Variants in SLITRK5 observed in about 807,000 individuals in gnomAD.
The protein encoded by SLITRK5 is SLIT and NTRK-like protein 5.
SLITRK5 carries 23 observed loss-of-function variants against 56.2 expected under a neutral mutation model. That is an observed-to-expected ratio of 0.41 (90% CI 0.29 to 0.58). The LOEUF is 0.58. SLITRK5 is among the 20% of genes least tolerant of loss of function. SLITRK5 has a pLI of 0.30. For synonymous variants in SLITRK5, 637 were observed against 531.8 expected, an observed-to-expected ratio of 1.20 and a Z score of -2.72; for missense variants, 1,289 against 1,226.6, an observed-to-expected ratio of 1.05 and a Z score of -0.76.
chr13:87,673,468 G>C (rs61959133), intron 1 of SLITRK5: 2 of 788,748 alleles, frequency 2.5e-6, no homozygotes, highest in African/African-American at 3.5e-5. Flanking sequence ...TTTCAGATGG[G>C]GTGGGAGGTG....
At position 87,677,202 on chromosome 13, in the gene SLITRK5, C is replaced by A. The variant is rs1411720691; in HGVS notation, c.1814C>A (p.Ser605Tyr). 2 of 1,614,184 alleles carry A rather than the reference C, an allele frequency of 1.2e-6. No individual in the cohort carries two copies. Reference protein sequence around the residue: ...PKKFAETDMRSIKSELLCPDY... With the variant: ...PKKFAETDMRYIKSELLCPDY... Reference sequence around the variant, plus strand: ...AAATTCGCTGAGACCGACATGCGCTCCATTAAGTCGGAGCTGCTGTGCCCT... The same window carrying A: ...AAATTCGCTGAGACCGACATGCGCTACATTAAGTCGGAGCTGCTGTGCCCT... Residue 605 changes from serine (S) to tyrosine (Y), a missense_variant, in exon 2 of 2, where the codon TCC (serine) becomes TAC (tyrosine). By Grantham distance (144) the Ser-to-Tyr change is moderately radical. Around this residue, in one of 3 missense-constraint regions of SLITRK5, gnomAD observed 985 missense variants for 906.0 expected, o/e 1.09. Transcript: ENST00000683689. This position sits in a 1 kb window ranked among gnomAD's most constrained non-coding sequence, Gnocchi z 4.7.
intron 1 of SLITRK5, among the ~76,000 whole-genome samples, chr13:87,673,133 C>T (rs1013150646): frequency 1.3e-5 from 2 of 151,622 alleles, no homozygotes; most frequent in Non-Finnish European, 2.9e-5. Flanking sequence ...CAGGGACGTA[C>T]AGGGCGGTGA....
intron 1 of SLITRK5, among the ~76,000 whole-genome samples, chr13:87,675,161 G>A (rs1877216660): frequency 1.3e-5 from 2 of 152,048 alleles, no homozygotes; most frequent in African/African-American, 4.8e-5. Flanking sequence ...TATTTGTGGT[G>A]TGCTCATTTA....
Position 87,672,110 on chromosome 13 carries a change from C to T in SLITRK5, c.-108C>T. 6.6e-6 allele frequency among the ~76,000 whole-genome samples: 1 copy of T among 151,894 alleles called. No individual in the cohort carries two copies. Among genetic ancestry groups the T allele is most frequent in the East Asian group, 2.0e-4 (1 of 5,106 alleles). ...GAGGGGGGAGGGGAGGGCCGGCCGG[C>T]GCGAACCCAGGCCGGAGGGTGCGAG... On this transcript the variant is annotated 5_prime_UTR_variant, in exon 1 of 2. Transcript: ENST00000683689.
At position 87,678,197 on chromosome 13, in the gene SLITRK5, G is replaced by A. The variant is rs567983457; in HGVS notation, c.2809G>A (p.Ala937Thr). 6.2e-7 allele frequency: 1 copy of A among 1,614,222 alleles called. No individual in the cohort carries two copies. The highest frequency in any genetic ancestry group is 1.1e-5 in the South Asian group (1 of 91,078). Residue 937 changes from alanine to threonine, a missense_variant, in exon 2 of 2, where the codon GCA becomes ACA. Transcript: ENST00000683689. ...CCGGAACGAATATCTGGAGTTAAAA[G>A]CAAAACTAAACGTTGAGCCGGACTA... ...PNRNEYLELK[A>T]KLNVEPDYLE...
Position 87,677,021 on chromosome 13 carries a change from G to C in SLITRK5, c.1633G>C (p.Val545Leu). The change falls in exon 2 of 2, where the codon GTG becomes CTG. Residue 545 changes from valine (V) to leucine (L), a missense_variant. This residue lies in a region of SLITRK5 where 985 missense variants were observed against 906.0 expected (regional missense o/e 1.09). Transcript: ENST00000683689. The surrounding 1 kb of genome is among the most constrained non-coding windows in gnomAD (Gnocchi z 4.7). ...GAGTAACCACTTCACCTCCTTGCCAGTGAGTGGAGTTTTGGACCAGCTGAA... is the reference window on the plus strand; with the variant it reads ...GAGTAACCACTTCACCTCCTTGCCACTGAGTGGAGTTTTGGACCAGCTGAA... ...LRSNHFTSLP[V>L]SGVLDQLKSL... The C allele has an allele frequency of 1.9e-6, 3 of 1,614,134 alleles. No individual in the cohort carries two copies. The South Asian group carries it at 3.3e-5, about 18-fold the overall frequency.
Position 87,677,684 on chromosome 13 carries a change from C to A in SLITRK5, c.2296C>A (p.Arg766Ser), listed in dbSNP as rs1376045292. 2 of 1,605,578 alleles carry A rather than the reference C, an allele frequency of 1.2e-6. No homozygotes were observed. Among genetic ancestry groups the A allele is most frequent in the Admixed American group, 1.7e-5 (1 of 59,766 alleles). ...LGHMCKNPIYRSREGNSVEDY... is the reference protein window; with the variant it reads ...LGHMCKNPIYSSREGNSVEDY... ...CCACATGTGCAAAAACCCCATCTAC[C>A]GCTCCCGAGAGGGCAACTCCGTAGA... Residue 766 changes from arginine to serine, a missense_variant, in exon 2 of 2, where the codon CGC (arginine) becomes AGC (serine). Around this residue, in one of 3 missense-constraint regions of SLITRK5, gnomAD observed 985 missense variants for 906.0 expected, o/e 1.09. Coordinates refer to ENST00000683689, the MANE Select transcript of SLITRK5 (RefSeq NM_001384609.1). The surrounding 1 kb of genome is among the most constrained non-coding windows in gnomAD (Gnocchi z 4.7).
In SLITRK5 at chr13:87,679,098, G is replaced by C. The variant is rs1364796337; in HGVS notation, c.*833G>C. On this transcript the variant is annotated 3_prime_UTR_variant, in exon 2 of 2. Coordinates refer to ENST00000683689, the MANE Select transcript of SLITRK5 (RefSeq NM_001384609.1). ...TAGGATCTGCATTTCTAAAACTGAC[G>C]TGGTATCAGGAAGGCATTTTCAATC... is the stretch of plus-strand genomic sequence containing the variant. The C allele has an allele frequency of 2.4e-5, 4 of 166,740 alleles. No individual in the cohort carries two copies. The highest frequency in any genetic ancestry group is 9.7e-5 in the African/African-American group (4 of 41,424). The allele number at this position is 166,740 out of a possible 1,614,324, so 10.3% of individuals were successfully genotyped here. A position where few individuals can be genotyped will look rare whatever the true frequency, so the allele number is the denominator to read the frequency against.
intron 1 of SLITRK5, among the ~76,000 whole-genome samples, chr13:87,674,007 A>AC (rs1304246263): frequency 2.1e-5 from 3 of 142,614 alleles, no homozygotes; most frequent in Middle Eastern, 3.7e-3. Context: ...CGCACACACA[A>AC]ACACACACAC....
chr13:87,672,270 C>T (rs1450874224), intron 1 of SLITRK5, among the ~76,000 whole-genome samples, 61 bp downstream of exon 1: 3 of 152,142 alleles, frequency 2.0e-5, no homozygotes, highest in Non-Finnish European at 4.4e-5. Flanking sequence ...GCGATCGCGC[C>T]TTAACACGTA....
rs186014346 is a variant in SLITRK5, at chr13:87,676,705, C to T, written c.1317C>T (p.His439=). 3.0e-4 allele frequency: 484 copies of T among 1,614,056 alleles called. 3 individuals are homozygous for T. In the East Asian group the frequency reaches 8.2e-3, roughly 27 times the overall value. Residue 439 remains histidine, a synonymous_variant, in exon 2 of 2, where the codon CAC becomes CAT. Transcript: ENST00000683689. ...FLEATGLDLL[H]LGNNRISMIQ... is the part of the protein sequence containing the mutation. ...AGGCCACGGGGCTGGACCTCCTGCA[C>T]CTGGGGAATAACCGCATCTCGATGA...
At position 87,675,626 on chromosome 13, in the gene SLITRK5, C is replaced by G; in HGVS notation, c.238C>G (p.Arg80Gly). Residue 80 changes from arginine to glycine, a missense_variant, in exon 2 of 2, where the codon CGT (arginine) becomes GGT (glycine). Around this residue, in one of 3 missense-constraint regions of SLITRK5, gnomAD observed 291 missense variants for 286.7 expected, o/e 1.02. Coordinates refer to ENST00000683689, the MANE Select transcript of SLITRK5 (RefSeq NM_001384609.1). ...IISLSEISPP[R>G]FPIYHLLLSG... Reference sequence around the variant, plus strand: ...CAGTCTCTCTGAAATTAGCCCTCCCCGTTTCCCAATCTACCACCTCTTGTT... The same window carrying G: ...CAGTCTCTCTGAAATTAGCCCTCCCGGTTTCCCAATCTACCACCTCTTGTT... 6.2e-7 allele frequency: 1 copy of G among 1,614,154 alleles called. No individual in the cohort carries two copies. The highest frequency in any genetic ancestry group is 1.3e-5 in the African/African-American group (1 of 75,038).
In SLITRK5 at chr13:87,678,112, C is replaced by G. The variant is rs546589478; in HGVS notation, c.2724C>G (p.Asp908Glu). ...AGTATTTGCACCCGGGGGCAGGGGA[C>G]AGCAGGCTACGGGAACCGGTGCTCT... The part of the protein sequence containing the change: ...PHQYLHPGAG[D>E]SRLREPVLYS... The change falls in exon 2 of 2, where the codon GAC becomes GAG. Residue 908 changes from aspartate (D) to glutamate (E), a missense_variant. Physicochemically the swap from Asp to Glu is conservative, Grantham distance 45. This residue lies in a region of SLITRK5 where 985 missense variants were observed against 906.0 expected (regional missense o/e 1.09). Coordinates refer to ENST00000683689, the MANE Select transcript of SLITRK5 (RefSeq NM_001384609.1). 6.2e-7 allele frequency: 1 copy of G among 1,614,246 alleles called. No homozygotes were observed. Among genetic ancestry groups the G allele is most frequent in the Non-Finnish European group, 8.5e-7 (1 of 1,180,050 alleles).
rs750290153 is a variant in SLITRK5, at chr13:87,675,849, A to G, written c.461A>G (p.Asn154Ser). The G allele has an allele frequency of 1.9e-6, 3 of 1,614,082 alleles. No homozygotes were observed. The highest frequency in any genetic ancestry group is 3.3e-5 in the Admixed American group (2 of 60,016). Residue 154 changes from asparagine to serine, a missense_variant, in exon 2 of 2, where the codon AAC (asparagine) becomes AGC (serine). Asn to Ser is a conservative substitution (Grantham distance 46). Transcript: ENST00000683689. The stretch of plus-strand genomic sequence containing the variant: ...GATGATACCTTCCTTGGCTTGGAGA[A>G]CCTGGAGTACCTACAGGTCGATTAC... ...LRDDTFLGLE[N>S]LEYLQVDYNY...
rs1877057464 is a variant in SLITRK5, at chr13:87,672,095, G to A, written c.-123G>A. ...GCGAGGAGGAGAGCCGAGGGGGGAG[G>A]GGAGGGCCGGCCGGCGCGAACCCAG... On this transcript the variant is annotated 5_prime_UTR_variant, in exon 1 of 2. Coordinates refer to ENST00000683689, the MANE Select transcript of SLITRK5 (RefSeq NM_001384609.1). 6.6e-6 allele frequency among the ~76,000 whole-genome samples: 1 copy of A among 152,118 alleles called. No individual in the cohort carries two copies. The highest frequency in any genetic ancestry group is 2.4e-5 in the African/African-American group (1 of 41,446).
At chr13:87,675,092 A>G (rs1877210487) in intron 1 of SLITRK5, among the ~76,000 whole-genome samples, 1 of 151,732 alleles carries the variant, frequency 6.6e-6, no homozygotes, top group East Asian at 1.9e-4. Context: ...AAAGGGGGGG[A>G]GAAGAGAAAA....
In SLITRK5 at chr13:87,677,380, T is replaced by A; in HGVS notation, c.1992T>A (p.Ser664=). ...AGGGASSVPL[S]VLILSLLLVF... Reference sequence around the variant, plus strand: ...GAGGGGCGTCGTCGGTGCCCTTGTCTGTGTTAATTCTCAGCCTCCTGCTGG... The same window carrying A: ...GAGGGGCGTCGTCGGTGCCCTTGTCAGTGTTAATTCTCAGCCTCCTGCTGG... Residue 664 remains serine, a synonymous_variant, in exon 2 of 2, where the codon TCT becomes TCA. Coordinates refer to ENST00000683689, the MANE Select transcript of SLITRK5 (RefSeq NM_001384609.1). This position sits in a 1 kb window ranked among gnomAD's most constrained non-coding sequence, Gnocchi z 4.7. 2 of 1,613,922 alleles carry A rather than the reference T, an allele frequency of 1.2e-6. No homozygotes were observed. Among genetic ancestry groups the A allele is most frequent in the African/African-American group, 1.3e-5 (1 of 75,040 alleles).
chr13:87,675,232 G>T (rs1877219597), intron 1 of SLITRK5, 149 bp from the exon 2 acceptor site: 1 of 612,212 alleles, frequency 1.6e-6, no homozygotes, highest in Non-Finnish European at 2.9e-6. Flanking sequence ...TCTAGAGAAT[G>T]TCAATGTTTC....
Position 87,675,655 on chromosome 13 carries a change from C to G in SLITRK5, c.267C>G (p.Ser89=). 6.2e-7 allele frequency: 1 copy of G among 1,614,096 alleles called. No individual in the cohort carries two copies. Among genetic ancestry groups the G allele is most frequent in the Non-Finnish European group, 8.5e-7 (1 of 1,180,032 alleles). ...TCCCAATCTACCACCTCTTGTTGTC[C>G]GGAAACCTTTTGAACCGTCTCTATC... ...PRFPIYHLLL[S]GNLLNRLYPN... The change falls in exon 2 of 2, where the codon TCC becomes TCG. Residue 89 remains serine, a synonymous_variant. Transcript: ENST00000683689.
Sources: gnomAD v4.1 joint callset for allele counts (sites outside exome capture counted in the v4.1 genomes callset) on GRCh38, gnomAD v4.1.1 for gene constraint, gnomAD v4.1.1 regional missense constraint, Gnocchi (gnomAD v3.1) non-coding constraint, MANE v1.5 for transcripts, NCBI Gene and HGNC (gene_info 2026-07-23, HGNC 2026-07-21) for gene names.